GHR: variants seen among roughly 807,000 people sequenced by gnomAD.
GHR encodes the protein growth hormone receptor, also known as GH receptor.
A neutral mutation model predicts 67.1 loss-of-function variants in GHR; 35 were observed. The ratio of observed to expected loss-of-function variants is 0.52; its 90% CI spans 0.40 to 0.69. The LOEUF (loss-of-function observed/expected upper bound fraction) is 0.69, where lower values mean the gene tolerates loss of function less well. GHR is among the 30% of genes least tolerant of loss of function. The pLI, the probability that GHR is intolerant of heterozygous loss-of-function variation, is 0.00. For synonymous variants in GHR, 272 were observed against 269.1 expected (o/e 1.01, Z -0.10); for missense variants, 792 against 764.6 (o/e 1.04, Z -0.42).
chr5:42,510,165 C>T (rs1164413785), intron 1 of GHR, among the ~76,000 whole-genome samples: 3 of 152,200 alleles, frequency 2.0e-5, no homozygotes, highest in Non-Finnish European at 4.4e-5. Flanking sequence ...TTCTTTCTCT[C>T]ATTTCCCAAA....
At chr5:42,689,408 A>AAGTGTGAGTGAG (rs1000089952) in intron 4 of GHR, among the ~76,000 whole-genome samples, 13 of 152,232 alleles carry the variant, frequency 8.5e-5, no homozygotes, top group African/African-American at 3.1e-4. Context: ...GAGTGTGTCA[A>AAGTGTGAGTGAG]AGTGTGAGTG....
chr5:42,718,208 T>C (rs1758817111), intron 9 of GHR, 87 bp downstream of exon 9: 1 of 786,926 alleles, frequency 1.3e-6, no homozygotes, highest in Non-Finnish European at 2.2e-6. Context: ...CTGTAAGCTA[T>C]ATATATCACA....
intron 1 of GHR, among the ~76,000 whole-genome samples, chr5:42,487,803 G>A (rs933784282): frequency 1.3e-5 from 2 of 152,068 alleles, no homozygotes; most frequent in Non-Finnish European, 2.9e-5. Flanking sequence ...ACTAATAAAG[G>A]TTATTATTGC....
At chr5:42,520,795 C>T (rs1234359942) in intron 1 of GHR, among the ~76,000 whole-genome samples, 1 of 152,124 alleles carries the variant, frequency 6.6e-6, no homozygotes, top group Non-Finnish European at 1.5e-5. Flanking sequence ...GTCCCCTTGC[C>T]CGGAATGCTT....
At chr5:42,647,211 G>A (rs565933893) in intron 3 of GHR, among the ~76,000 whole-genome samples, 1 of 152,160 alleles carries the variant, frequency 6.6e-6, no homozygotes, top group Non-Finnish European at 1.5e-5. Context: ...GCGGAATTGT[G>A]GGTCCCTTTT....
At chr5:42,579,328 C>G (rs980509630) in intron 2 of GHR, among the ~76,000 whole-genome samples, 1 of 152,166 alleles carries the variant, frequency 6.6e-6, no homozygotes, top group Non-Finnish European at 1.5e-5. Context: ...ATACTCATTA[C>G]CAAGGAAATT....
intron 2 of GHR, among the ~76,000 whole-genome samples, chr5:42,603,987 A>G (rs146678037): frequency 8.6e-4 from 131 of 152,336 alleles, no homozygotes; most frequent in African/African-American, 3.0e-3. Flanking sequence ...TTAATTTGCA[A>G]GAGTGGCTCA....
intron 3 of GHR, among the ~76,000 whole-genome samples, chr5:42,651,108 G>A (rs1250468025): frequency 6.6e-6 from 1 of 152,178 alleles, no homozygotes; most frequent in African/African-American, 2.4e-5. Flanking sequence ...GATTCTGGGA[G>A]ACTTTCAGGA....
chr5:42,573,458 T>C (rs1363494572), intron 2 of GHR, among the ~76,000 whole-genome samples: 1 of 152,028 alleles, frequency 6.6e-6, no homozygotes, highest in South Asian at 2.1e-4. Flanking sequence ...TCTTTCCAGG[T>C]GACTGAACTC....
intron 8 of GHR, among the ~76,000 whole-genome samples, chr5:42,715,541 G>A (rs944469634): frequency 6.6e-6 from 1 of 152,234 alleles, no homozygotes; most frequent in Admixed American, 6.5e-5. Flanking sequence ...TTCAAGTCAG[G>A]CTATTATTAT....
At chr5:42,430,813 A>T (rs1380970282) in intron 1 of GHR, among the ~76,000 whole-genome samples, 1 of 152,092 alleles carries the variant, frequency 6.6e-6, no homozygotes, top group Non-Finnish European at 1.5e-5. Flanking sequence ...CACCCCCCAA[A>T]ATTACAAGAG....
At position 42,549,099 on chromosome 5, in the gene GHR, G is replaced by T. The variant is rs182628706; in HGVS notation, c.-11-16765G>T. 9.2e-5 allele frequency among the ~76,000 whole-genome samples: 14 copies of T among 152,310 alleles called. No individual in the cohort carries two copies. The East Asian group carries it at 2.5e-3, about 27-fold the overall frequency. On this transcript the variant is annotated intron_variant, in intron 1 of 9. Transcript: ENST00000230882. ...GAGATGGTCAGTACTTTGAAGGAAA[G>T]AGAAATAGGGCTTTGTCTCCTTCTG...
intron 3 of GHR, among the ~76,000 whole-genome samples, chr5:42,644,484 A>T (rs1754632627): frequency 6.6e-6 from 1 of 152,198 alleles, no homozygotes; most frequent in Non-Finnish European, 1.5e-5. Flanking sequence ...TCACGGATTT[A>T]TACAAACTTA....
intron 3 of GHR, among the ~76,000 whole-genome samples, chr5:42,657,089 G>T (rs985590892): frequency 3.9e-5 from 6 of 152,054 alleles, no homozygotes; most frequent in African/African-American, 9.7e-5. Context: ...GTGACATTTG[G>T]AAACTGGGTA....
chr5:42,646,536 C>T (rs1361705795), intron 3 of GHR, among the ~76,000 whole-genome samples: 1 of 151,954 alleles, frequency 6.6e-6, no homozygotes, highest in Non-Finnish European at 1.5e-5. Flanking sequence ...GAAATGTCTG[C>T]TTTGTTTGTT....
chr5:42,533,050 C>T (rs1748050349), intron 1 of GHR, among the ~76,000 whole-genome samples: 1 of 152,096 alleles, frequency 6.6e-6, no homozygotes, highest in African/African-American at 2.4e-5. Flanking sequence ...TCCACTCCTA[C>T]CAGCAATGAA....
chr5:42,714,446 A>C (rs1385012147), intron 8 of GHR, among the ~76,000 whole-genome samples: 1 of 152,156 alleles, frequency 6.6e-6, no homozygotes. Flanking sequence ...ATCTATGTTA[A>C]TATATTTTAA....
At chr5:42,576,080 A>G (rs1750671343) in intron 2 of GHR, among the ~76,000 whole-genome samples, 1 of 96,574 alleles carries the variant, frequency 1.0e-5, no homozygotes. Flanking sequence ...AAAATAAAAT[A>G]AAATAAAATA....
chr5:42,673,302 C>T lies in GHR; in HGVS notation c.137-15588C>T, dbSNP rs149347650. Among the ~76,000 whole-genome samples the T allele has an allele frequency of 5.4e-3, 820 of 152,288 alleles. 3 individuals are homozygous for T. The highest frequency in any genetic ancestry group is 0.019 in the African/African-American group (785 of 41,558). ...AGAAAAAAAAGTGAACGCTCATACA[C>T]GGTTGCTGGGAATGTAAGTTAGTTC... On this transcript the variant is annotated intron_variant, in intron 3 of 9. Coordinates refer to ENST00000230882, the MANE Select transcript of GHR (RefSeq NM_000163.5).
Sources: allele counts gnomAD v4.1 joint callset (sites outside exome capture counted in the v4.1 genomes callset), GRCh38; gene constraint gnomAD v4.1.1; transcripts MANE v1.5; gene names NCBI Gene and HGNC (gene_info 2026-07-23, HGNC 2026-07-21).